Variants in RANBP2 observed in about 807,000 individuals in gnomAD.
The protein encoded by RANBP2 is RAN binding protein 2.
Under a neutral mutation model 303.6 loss-of-function variants are expected in RANBP2, and 57 were observed. That is an observed-to-expected ratio of 0.19 (90% CI 0.15 to 0.23). RANBP2 has a LOEUF of 0.23. RANBP2 is among the 10% of genes least tolerant of loss of function. The pLI is 1.00. For missense variants in RANBP2, 3,138 were observed against 3,780.8 expected, an observed-to-expected ratio of 0.83 and a Z score of 4.46; for synonymous variants, 1,167 against 1,301.5, an observed-to-expected ratio of 0.90 and a Z score of 2.23.
At chr2:109,318,772 C>T in the RANBP2 span, among the ~76,000 whole-genome samples, 1 of 152,174 alleles carries the variant, frequency 6.6e-6, no homozygotes, top group African/African-American at 2.4e-5. Context: ...AAAGACAAAG[C>T]ATGAAAGCCC....
At chr2:109,595,456 T>C in the RANBP2 span, among the ~76,000 whole-genome samples, 1 of 152,142 alleles carries the variant, frequency 6.6e-6, no homozygotes, top group African/African-American at 2.4e-5. Context: ...GTCCCAGTCA[T>C]CATGTGGTAC....
the RANBP2 span, among the ~76,000 whole-genome samples, chr2:108,951,592 G>A: frequency 2.0e-5 from 3 of 152,092 alleles, no homozygotes; most frequent in Non-Finnish European, 4.4e-5. Flanking sequence ...ATTGGCACAG[G>A]GATAAAGGTG....
chr2:109,257,346 TGAG>T, the RANBP2 span, among the ~76,000 whole-genome samples: 2 of 145,446 alleles, frequency 1.4e-5, no homozygotes, highest in Non-Finnish European at 3.0e-5. Context: ...AGAAAGGAAT[TGAG>T]GAGGGAATGA....
the RANBP2 span, among the ~76,000 whole-genome samples, chr2:109,064,889 A>C: frequency 6.6e-6 from 1 of 152,188 alleles, no homozygotes. Context: ...ATGCTTTAGA[A>C]ATTATGGAAA....
At chr2:109,556,098 T>C in the RANBP2 span, among the ~76,000 whole-genome samples, 1 of 152,136 alleles carries the variant, frequency 6.6e-6, no homozygotes, top group Non-Finnish European at 1.5e-5. Flanking sequence ...GAATGACAAA[T>C]TTCTGGGAAG....
At chr2:108,972,724 G>T in the RANBP2 span, among the ~76,000 whole-genome samples, 1 of 152,230 alleles carries the variant, frequency 6.6e-6, no homozygotes, top group Non-Finnish European at 1.5e-5. Context: ...CATCTGATTT[G>T]TCAGTCACAA....
At chr2:109,005,595 C>T in the RANBP2 span, among the ~76,000 whole-genome samples, 3 of 152,194 alleles carry the variant, frequency 2.0e-5, no homozygotes, top group East Asian at 3.9e-4. Context: ...TCGTCTGGCA[C>T]GTAGTACATA....
chr2:109,718,263 T>C, the RANBP2 span, among the ~76,000 whole-genome samples: 1 of 152,310 alleles, frequency 6.6e-6, no homozygotes, highest in East Asian at 1.9e-4. Flanking sequence ...TAAAAATTTG[T>C]ACACAAATGT....
chr2:109,048,985 C>T, the RANBP2 span, among the ~76,000 whole-genome samples: 1 of 152,294 alleles, frequency 6.6e-6, no homozygotes, highest in East Asian at 1.9e-4. Context: ...CTCTCTGTCT[C>T]CTTTTTAAAG....
the RANBP2 span, chr2:109,616,028 G>A: frequency 6.6e-7 from 1 of 1,519,468 alleles, no homozygotes; most frequent in Non-Finnish European, 8.8e-7. Flanking sequence ...AAGGCCACTC[G>A]CCCTTCACAT....
At chr2:109,282,848 C>T in the RANBP2 span, among the ~76,000 whole-genome samples, 90 of 152,234 alleles carry the variant, frequency 5.9e-4, no homozygotes, top group Admixed American at 2.5e-3. Context: ...GGTAATGGTC[C>T]TCCTGTGAGG....
downstream of RANBP2, among the ~76,000 whole-genome samples, chr2:108,786,510 G>A (rs944220019): frequency 1.3e-5 from 2 of 152,188 alleles, no homozygotes; most frequent in African/African-American, 4.8e-5. Flanking sequence ...AATGGAGCTG[G>A]AGCGGAGCGC....
At chr2:108,786,784 A>G (rs1002898448), downstream of RANBP2, 1 of 1,541,690 alleles carries the variant, frequency 6.5e-7, no homozygotes, top group African/African-American at 1.4e-5. Context: ...GGTTTGATGA[A>G]CGCGGTTCCC....
At chr2:109,036,767 A>C in the RANBP2 span, among the ~76,000 whole-genome samples, 1 of 152,096 alleles carries the variant, frequency 6.6e-6, no homozygotes. Flanking sequence ...CAACACTTTG[A>C]GAGGCTGAGA....
intron 6 of RANBP2, among the ~76,000 whole-genome samples, chr2:108,737,978 T>C (rs1198814491): frequency 6.6e-6 from 1 of 150,930 alleles, no homozygotes; most frequent in Non-Finnish European, 1.5e-5. Context: ...CCTCCCAAAG[T>C]GTTGGGATTA....
chr2:108,935,211 A>G, the RANBP2 span, among the ~76,000 whole-genome samples: 6 of 151,880 alleles, frequency 4.0e-5, no homozygotes, highest in African/African-American at 1.2e-4. Context: ...TCCTTCCTCA[A>G]TTCCCATCTA....
the RANBP2 span, among the ~76,000 whole-genome samples, chr2:109,529,838 C>T: frequency 6.6e-6 from 1 of 152,180 alleles, no homozygotes; most frequent in Non-Finnish European, 1.5e-5. Flanking sequence ...CACTTCCCCA[C>T]TGGGCTGAGC....
At chr2:109,625,284 C>A in the RANBP2 span, among the ~76,000 whole-genome samples, 7 of 151,994 alleles carry the variant, frequency 4.6e-5, no homozygotes, top group Non-Finnish European at 8.8e-5. Context: ...GAAAAGGGAA[C>A]AACCCAAATA....
At chr2:109,472,272 T>C in the RANBP2 span, among the ~76,000 whole-genome samples, 3 of 151,614 alleles carry the variant, frequency 2.0e-5, no homozygotes, top group African/African-American at 7.3e-5. Flanking sequence ...TCTGGGCTGC[T>C]CCAGGAAGAC....
Sources: gnomAD v4.1 joint callset for allele counts (sites outside exome capture counted in the v4.1 genomes callset) on GRCh38, gnomAD v4.1.1 for gene constraint, MANE v1.5 for transcripts, NCBI Gene and HGNC (gene_info 2026-07-23, HGNC 2026-07-21) for gene names.